PMFBP1: variants seen among roughly 807,000 people sequenced by gnomAD.
The protein encoded by PMFBP1 is polyamine-modulated factor 1-binding protein 1.
Under a neutral mutation model 137.8 loss-of-function variants are expected in PMFBP1, and 131 were observed. The ratio of observed to expected loss-of-function variants is 0.95; its 90% CI spans 0.82 to 1.10. PMFBP1 has a LOEUF of 1.10. PMFBP1 is among the 50% of genes least tolerant of loss of function. PMFBP1 has a pLI of 0.00. For synonymous variants in PMFBP1, 490 were observed against 450.4 expected (o/e 1.09, Z -1.11); for missense variants, 1,199 against 1,175.4 (o/e 1.02, Z -0.29).
At chr16:72,138,234 T>C (rs1197530980) in intron 7 of PMFBP1, among the ~76,000 whole-genome samples, 1 of 152,188 alleles carries the variant, frequency 6.6e-6, no homozygotes, top group African/African-American at 2.4e-5. Context: ...TTCAACCAAC[T>C]TTCTGGGATT....
the PMFBP1 span, among the ~76,000 whole-genome samples, chr16:72,236,600 G>T: frequency 6.6e-6 from 1 of 152,118 alleles, no homozygotes; most frequent in African/African-American, 2.4e-5. Context: ...TGATTTGGCA[G>T]TACCCACTAA....
At chr16:72,249,061 G>A in the PMFBP1 span, among the ~76,000 whole-genome samples, 2 of 151,764 alleles carry the variant, frequency 1.3e-5, no homozygotes, top group African/African-American at 2.4e-5. Context: ...GGTTGTAAGC[G>A]ATCAAAGTAT....
At chr16:72,217,371 T>C in the PMFBP1 span, among the ~76,000 whole-genome samples, 2 of 152,232 alleles carry the variant, frequency 1.3e-5, no homozygotes, top group South Asian at 2.1e-4. Flanking sequence ...CAGAATGCTT[T>C]TGTTGTTTTT....
chr16:72,123,987 G>GGAGGAA (rs2042414977), intron 17 of PMFBP1, among the ~76,000 whole-genome samples: 1 of 152,164 alleles, frequency 6.6e-6, no homozygotes, highest in African/African-American at 2.4e-5. Context: ...AAAAACATCT[G>GGAGGAA]GAGGAAGAGG....
the PMFBP1 span, among the ~76,000 whole-genome samples, chr16:72,238,960 A>T: frequency 6.6e-6 from 1 of 152,166 alleles, no homozygotes; most frequent in African/African-American, 2.4e-5. Flanking sequence ...CCCTCAGCAA[A>T]TAATTATCCT....
intron 7 of PMFBP1, among the ~76,000 whole-genome samples, chr16:72,137,568 GACA>G (rs2042651358): frequency 6.6e-6 from 1 of 152,210 alleles, no homozygotes; most frequent in Non-Finnish European, 1.5e-5. Flanking sequence ...ACCAGCCAGA[GACA>G]ACGCTTGTGG....
At chr16:72,165,654 G>A (rs1434730797) in intron 2 of PMFBP1, among the ~76,000 whole-genome samples, 3 of 152,050 alleles carry the variant, frequency 2.0e-5, no homozygotes, top group Admixed American at 1.3e-4. Context: ...TCCTGACCTC[G>A]TGATGTGCCC....
At chr16:72,125,531 G>A (rs2042442799) in intron 15 of PMFBP1, 126 bp from the exon 16 acceptor site, 1 of 1,094,854 alleles carries the variant, frequency 9.1e-7, no homozygotes. Context: ...CGGTCACCTT[G>A]CCTAGTCTCC....
At chr16:72,117,463 G>T (rs1327256646), downstream of PMFBP1, among the ~76,000 whole-genome samples, 1 of 152,114 alleles carries the variant, frequency 6.6e-6, no homozygotes, top group Admixed American at 6.5e-5. Flanking sequence ...TGTGAACAGA[G>T]ATAATTTTAC....
At chr16:72,203,993 G>C in the PMFBP1 span, among the ~76,000 whole-genome samples, 1 of 152,172 alleles carries the variant, frequency 6.6e-6, no homozygotes, top group Admixed American at 6.5e-5. Flanking sequence ...GGAGGACCCT[G>C]TCTGCCTCTG....
chr16:72,128,988 C>A, intron 13 of PMFBP1, 78 bp downstream of exon 13: 1 of 1,546,020 alleles, frequency 6.5e-7, no homozygotes, highest in Non-Finnish European at 8.7e-7. Flanking sequence ...CCAGGGCCTC[C>A]GCATCCCTGG....
At position 72,136,549 on chromosome 16, in the gene PMFBP1, T is replaced by C. The variant is rs753206126; in HGVS notation, c.1102A>G (p.Ile368Val). The C allele has an allele frequency of 1.9e-6, 3 of 1,613,912 alleles. No individual in the cohort carries two copies. Among genetic ancestry groups the C allele is most frequent in the East Asian group, 4.5e-5 (2 of 44,866 alleles). ...GTGATGTCCTTATCCTTCCTCTCAA[T>C]GTGGGCAGATGTCTCCTCCCGCAGT... ...HGLREETSAHIERKDKDITIL... is the reference protein window; with the variant it reads ...HGLREETSAHVERKDKDITIL... The change falls in exon 9 of 21, where the codon ATT becomes GTT. Residue 368 changes from isoleucine to valine, a missense_variant. By Grantham distance (29) the Ile-to-Val change is conservative. Coordinates refer to ENST00000237353, the MANE Select transcript of PMFBP1 (RefSeq NM_031293.3).
the PMFBP1 span, among the ~76,000 whole-genome samples, chr16:72,210,914 GCCC>G: frequency 1.3e-5 from 2 of 152,164 alleles, no homozygotes; most frequent in African/African-American, 4.8e-5. Flanking sequence ...CTCTTTTGTA[GCCC>G]AAGATTACCA....
At chr16:72,219,134 G>A in the PMFBP1 span, among the ~76,000 whole-genome samples, 2 of 152,060 alleles carry the variant, frequency 1.3e-5, no homozygotes, top group African/African-American at 4.8e-5. Flanking sequence ...TTTTTGTGGT[G>A]AGAACACTTA....
chr16:72,213,458 G>T, the PMFBP1 span, among the ~76,000 whole-genome samples: 3 of 152,186 alleles, frequency 2.0e-5, no homozygotes, highest in African/African-American at 7.2e-5. Flanking sequence ...CCTGTGGAGA[G>T]GCCCATGTGA....
intron 14 of PMFBP1, among the ~76,000 whole-genome samples, chr16:72,126,535 T>C (rs2144257680): frequency 6.6e-6 from 1 of 152,370 alleles, no homozygotes. Context: ...TGTAATTCAC[T>C]AGACTTGATG....
At chr16:72,212,661 A>C in the PMFBP1 span, among the ~76,000 whole-genome samples, 1 of 152,230 alleles carries the variant, frequency 6.6e-6, no homozygotes, top group Admixed American at 6.5e-5. Flanking sequence ...TGAAATTATC[A>C]AAGAAAATAT....
rs569238942 is a variant in PMFBP1, at chr16:72,125,182, G to A, written c.2421+56C>T. The A allele has an allele frequency of 1.4e-5, 22 of 1,570,030 alleles. No individual in the cohort carries two copies. The East Asian group carries it at 4.9e-4, about 35-fold the overall frequency. On this transcript the variant is annotated intron_variant, in intron 16 of 20. Coordinates refer to ENST00000237353, the MANE Select transcript of PMFBP1 (RefSeq NM_031293.3). ...GTGCTAAATAATTCTGGATGCAAGAGGTGACCTTGTGGACCCCTACCAGGA... is the reference window on the plus strand; with the variant it reads ...GTGCTAAATAATTCTGGATGCAAGAAGTGACCTTGTGGACCCCTACCAGGA...
At chr16:72,177,570 G>A (rs960550313), upstream of PMFBP1, among the ~76,000 whole-genome samples, 1 of 152,128 alleles carries the variant, frequency 6.6e-6, no homozygotes, top group Non-Finnish European at 1.5e-5. Context: ...AGTACACAGA[G>A]TTCCTGTATA....
Sources: gnomAD v4.1 joint callset for allele counts (sites outside exome capture counted in the v4.1 genomes callset) on GRCh38, gnomAD v4.1.1 for gene constraint, MANE v1.5 for transcripts, NCBI Gene and HGNC (gene_info 2026-07-23, HGNC 2026-07-21) for gene names.